PDE8A: variants seen among roughly 807,000 people sequenced by gnomAD.
PDE8A encodes the protein high affinity cAMP-specific and IBMX-insensitive 3',5'-cyclic phosphodiesterase 8A.
Under a neutral mutation model 105.0 loss-of-function variants are expected in PDE8A, and 59 were observed. The ratio of observed to expected loss-of-function variants is 0.56; its 90% confidence interval spans 0.46 to 0.70. The LOEUF (loss-of-function observed/expected upper bound fraction) is 0.70, where lower values mean the gene tolerates loss of function less well. PDE8A is among the 30% of genes least tolerant of loss of function. PDE8A has a pLI of 0.00. For missense variants in PDE8A, 1,014 were observed against 1,045.9 expected (o/e 0.97, Z 0.42); for synonymous variants, 355 against 371.9 (o/e 0.95, Z 0.52).
chr15:85,036,684 G>A (rs1349530700), intron 1 of PDE8A, among the ~76,000 whole-genome samples: 1 of 152,122 alleles, frequency 6.6e-6, no homozygotes, highest in Non-Finnish European at 1.5e-5. Flanking sequence ...TGGTAGAAAA[G>A]GAGAAAGGAC....
chr15:85,019,065 C>T (rs1353461196), intron 1 of PDE8A, among the ~76,000 whole-genome samples: 2 of 152,162 alleles, frequency 1.3e-5, no homozygotes, highest in African/African-American at 4.8e-5. Context: ...TTGCTGCCTC[C>T]CTGCTTCCAT....
intron 9 of PDE8A, among the ~76,000 whole-genome samples, chr15:85,098,608 G>A (rs995160236): frequency 2.0e-5 from 3 of 152,130 alleles, no homozygotes; most frequent in Non-Finnish European, 4.4e-5. Flanking sequence ...AAATATTGCA[G>A]CCATTAGAAA....
chr15:84,995,307 C>T (rs1310684743), intron 1 of PDE8A, among the ~76,000 whole-genome samples: 1 of 142,012 alleles, frequency 7.0e-6, no homozygotes, highest in African/African-American at 2.6e-5. Flanking sequence ...TGGAGTTACA[C>T]AGTATGTACC....
intron 11 of PDE8A, among the ~76,000 whole-genome samples, chr15:85,106,813 C>T (rs1234462919): frequency 6.6e-6 from 1 of 152,222 alleles, no homozygotes; most frequent in Non-Finnish European, 1.5e-5. Context: ...TTCTTTATCT[C>T]TGAGACGCTG....
intron 20 of PDE8A, among the ~76,000 whole-genome samples, chr15:85,132,593 G>A (rs535100701): frequency 6.6e-6 from 1 of 152,122 alleles, no homozygotes; most frequent in Non-Finnish European, 1.5e-5. Context: ...AGCCTCCCAA[G>A]TAGCTGGGAT....
intron 11 of PDE8A, among the ~76,000 whole-genome samples, chr15:85,102,229 T>G (rs2081874388): frequency 6.7e-6 from 1 of 150,146 alleles, no homozygotes; most frequent in African/African-American, 2.5e-5. Flanking sequence ...GACGAGGGAG[T>G]CTGGAGAGCG....
At chr15:85,104,826 G>A (rs1227095894) in intron 11 of PDE8A, among the ~76,000 whole-genome samples, 2 of 152,186 alleles carry the variant, frequency 1.3e-5, no homozygotes, top group Non-Finnish European at 2.9e-5. Flanking sequence ...GGAAGACTGA[G>A]TACCAAGAAA....
At chr15:84,982,715 G>T (rs891230573) in intron 1 of PDE8A, among the ~76,000 whole-genome samples, 1 of 152,170 alleles carries the variant, frequency 6.6e-6, no homozygotes, top group Non-Finnish European at 1.5e-5. Flanking sequence ...ATATTCTGGC[G>T]CGCCCCTGCA....
intron 1 of PDE8A, among the ~76,000 whole-genome samples, chr15:84,990,830 A>T (rs775332281): frequency 6.6e-6 from 1 of 152,212 alleles, no homozygotes; most frequent in Non-Finnish European, 1.5e-5. Context: ...TAGTTATCCA[A>T]TATTACACTC....
intron 21 of PDE8A, among the ~76,000 whole-genome samples, chr15:85,136,878 A>G (rs751142745): frequency 2.6e-5 from 4 of 152,038 alleles, no homozygotes; most frequent in Non-Finnish European, 5.9e-5. Flanking sequence ...TTTATAGATG[A>G]CGGGATTGAA....
intron 1 of PDE8A, among the ~76,000 whole-genome samples, chr15:85,034,158 A>G (rs141084391): frequency 3.6e-4 from 55 of 152,334 alleles, no homozygotes; most frequent in Non-Finnish European, 6.9e-4. Context: ...ATTAACGATC[A>G]TGGGAGGACA....
At chr15:84,989,691 G>A (rs922369397) in intron 1 of PDE8A, among the ~76,000 whole-genome samples, 3 of 152,190 alleles carry the variant, frequency 2.0e-5, no homozygotes, top group Non-Finnish European at 4.4e-5. Flanking sequence ...AAAATAATCT[G>A]TGTGAAAGTG....
At chr15:85,124,968 C>T (rs2082237655) in intron 19 of PDE8A, among the ~76,000 whole-genome samples, 1 of 152,166 alleles carries the variant, frequency 6.6e-6, no homozygotes, top group Non-Finnish European at 1.5e-5. Context: ...AAATCAATAT[C>T]CAGTGGGTCA....
At chr15:85,002,921 T>C (rs937820711) in intron 1 of PDE8A, among the ~76,000 whole-genome samples, 4 of 152,060 alleles carry the variant, frequency 2.6e-5, no homozygotes, top group East Asian at 3.8e-4. Flanking sequence ...AAGCTATGAG[T>C]GAGGAATTGT....
chr15:85,001,714 G>C (rs1056141014), intron 1 of PDE8A, among the ~76,000 whole-genome samples: 1 of 152,182 alleles, frequency 6.6e-6, no homozygotes, highest in Non-Finnish European at 1.5e-5. Flanking sequence ...CTGAGTGTTG[G>C]ATTATGAGAT....
chr15:85,009,116 T>A (rs908755798), intron 1 of PDE8A, among the ~76,000 whole-genome samples: 25 of 44,468 alleles, frequency 5.6e-4, no homozygotes, highest in African/African-American at 2.0e-3. Context: ...AGAGAGTGTG[T>A]GTGTGTGTGT....
intron 17 of PDE8A, among the ~76,000 whole-genome samples, chr15:85,119,964 G>A (rs2082155483): frequency 6.6e-6 from 1 of 151,912 alleles, no homozygotes; most frequent in African/African-American, 2.4e-5. Flanking sequence ...GTGGCTCTTG[G>A]AAATAACCAA....
At position 85,095,436 on chromosome 15, in the gene PDE8A, C is replaced by T. The variant is rs184355349; in HGVS notation, c.853-2512C>T. On this transcript the variant is annotated intron_variant, in intron 8 of 21. Transcript: ENST00000394553. The stretch of plus-strand genomic sequence containing the variant: ...TCGGCTCACTGCAACCTCTGCCTCT[C>T]GGGTTGAAGCAATTCTCCTGCCCCA... Among the ~76,000 whole-genome samples, 426 of 152,046 alleles carry T rather than the reference C, an allele frequency of 2.8e-3. 2 individuals carry two copies. The highest frequency in any genetic ancestry group is 9.9e-3 in the African/African-American group (410 of 41,474).
intron 1 of PDE8A, among the ~76,000 whole-genome samples, chr15:85,051,068 A>G (rs879161027): frequency 6.6e-6 from 1 of 152,038 alleles, no homozygotes; most frequent in Non-Finnish European, 1.5e-5. Context: ...TTTTGATGCT[A>G]TTGTAATTGG....
Sources: allele counts gnomAD v4.1 joint callset (sites outside exome capture counted in the v4.1 genomes callset), GRCh38; gene constraint gnomAD v4.1.1; transcripts MANE v1.5; gene names NCBI Gene and HGNC (gene_info 2026-07-23, HGNC 2026-07-21).